Variants in PITPNC1 observed in about 807,000 individuals in gnomAD.
PITPNC1 encodes the protein cytoplasmic phosphatidylinositol transfer protein 1.
In PITPNC1, 18 loss-of-function variants were observed where a neutral mutation model predicts 44.7. The observed-to-expected ratio is 0.40, with a 90% CI of 0.28 to 0.60. The LOEUF is 0.60. Ranked by LOEUF, PITPNC1 falls within the 20% of genes least tolerant of loss-of-function variation. The pLI is 0.39. For missense variants in PITPNC1, 290 were observed against 418.4 expected (o/e 0.69, Z 2.68); for synonymous variants, 141 against 149.6 (o/e 0.94, Z 0.42).
intron 1 of PITPNC1, among the ~76,000 whole-genome samples, chr17:67,476,478 G>A (rs1356839235): frequency 1.3e-5 from 2 of 151,736 alleles, no homozygotes; most frequent in African/African-American, 4.8e-5. Context: ...TACCCACCAC[G>A]CCCGGCCTAG....
At chr17:67,601,728 C>G (rs2041542906) in intron 5 of PITPNC1, among the ~76,000 whole-genome samples, 1 of 152,012 alleles carries the variant, frequency 6.6e-6, no homozygotes, top group Non-Finnish European at 1.5e-5. Context: ...GCACTCTAGT[C>G]TGGGTGACAG....
At chr17:67,429,191 T>C (rs1471443459) in intron 1 of PITPNC1, among the ~76,000 whole-genome samples, 1 of 152,162 alleles carries the variant, frequency 6.6e-6, no homozygotes, top group Non-Finnish European at 1.5e-5. Context: ...TTCTATTCTA[T>C]TTTATCAAAG....
chr17:67,613,822 CAAA>C (rs34474722), intron 5 of PITPNC1: 14 of 76,736 alleles, frequency 1.8e-4, no homozygotes, highest in South Asian at 4.5e-4. Flanking sequence ...GACTCCGTCT[CAAA>C]AAAAAAAAAA....
chr17:67,425,175 C>G (rs111568138), intron 1 of PITPNC1, among the ~76,000 whole-genome samples: 1 of 138,240 alleles, frequency 7.2e-6, no homozygotes, highest in Non-Finnish European at 1.5e-5. Flanking sequence ...GTGAAATAAA[C>G]AGCCATGTTG....
intron 1 of PITPNC1, among the ~76,000 whole-genome samples, chr17:67,522,181 G>A (rs2040333640): frequency 6.6e-6 from 1 of 152,098 alleles, no homozygotes. Flanking sequence ...GCACACGCTT[G>A]TAATTCCAGC....
rs2144417311 is a variant in PITPNC1, at chr17:67,676,897, C to T, written c.682+1355C>T. On this transcript the variant is annotated intron_variant, in intron 8 of 8. Coordinates refer to ENST00000581322, the MANE Select transcript of PITPNC1 (RefSeq NM_012417.4). This position sits in a 1 kb window ranked among gnomAD's most constrained non-coding sequence, Gnocchi z 4.0. The stretch of plus-strand genomic sequence containing the variant: ...CCTTCTGAAGAGCAAATGCACCTTC[C>T]TGGGTTTGTCCAAATGCAGATCATT... 6.6e-6 allele frequency among the ~76,000 whole-genome samples: 1 copy of T among 151,986 alleles called. No homozygotes were observed. The highest frequency in any genetic ancestry group is 2.4e-5 in the African/African-American group (1 of 41,442).
At chr17:67,537,708 C>T (rs1415550022) in intron 2 of PITPNC1, among the ~76,000 whole-genome samples, 1 of 151,984 alleles carries the variant, frequency 6.6e-6, no homozygotes, top group East Asian at 1.9e-4. Flanking sequence ...TGCAGTGGCT[C>T]ACCTCTATAA....
chr17:67,686,272 A>G (rs1320953242), intron 8 of PITPNC1, among the ~76,000 whole-genome samples: 1 of 148,822 alleles, frequency 6.7e-6, no homozygotes, highest in African/African-American at 2.5e-5. Flanking sequence ...TCTGCACACT[A>G]GATGCCAGTA....
intron 1 of PITPNC1, among the ~76,000 whole-genome samples, chr17:67,420,367 C>T (rs555393480): frequency 2.4e-4 from 2 of 8,298 alleles, no homozygotes; most frequent in South Asian, 4.1e-3. Context: ...CTCTCTCCTT[C>T]CTTCCTTCCT....
At chr17:67,478,716 G>A (rs1314881276) in intron 1 of PITPNC1, among the ~76,000 whole-genome samples, 4 of 151,896 alleles carry the variant, frequency 2.6e-5, no homozygotes, top group Admixed American at 1.3e-4. Context: ...CTCTTTTTCC[G>A]CAAGCGTTGG....
At chr17:67,384,577 C>T (rs1050767471) in intron 1 of PITPNC1, among the ~76,000 whole-genome samples, 1 of 152,218 alleles carries the variant, frequency 6.6e-6, no homozygotes, top group African/African-American at 2.4e-5. Flanking sequence ...AGGCGCCCGC[C>T]ACTGCGCCCA....
chr17:67,687,469 C>T (rs2042837984), intron 8 of PITPNC1, among the ~76,000 whole-genome samples: 1 of 152,122 alleles, frequency 6.6e-6, no homozygotes, highest in African/African-American at 2.4e-5. Context: ...ACGGCCTGCA[C>T]CATAAAAGAG....
At chr17:67,517,687 T>C (rs1451597341) in intron 1 of PITPNC1, among the ~76,000 whole-genome samples, 2 of 152,226 alleles carry the variant, frequency 1.3e-5, no homozygotes, top group Admixed American at 6.5e-5. Context: ...TCCATTGATA[T>C]GAATGTTCAG....
At chr17:67,585,131 AAAAAAC>A (rs2041295962) in intron 5 of PITPNC1, among the ~76,000 whole-genome samples, 1 of 146,120 alleles carries the variant, frequency 6.8e-6, no homozygotes, top group Non-Finnish European at 1.5e-5. Flanking sequence ...AAAAAAAAAA[AAAAAAC>A]CAGACAAACC....
At chr17:67,522,659 C>CTTCTT (rs1555661489) in intron 1 of PITPNC1, among the ~76,000 whole-genome samples, 1 of 117,228 alleles carries the variant, frequency 8.5e-6, no homozygotes, top group Non-Finnish European at 1.6e-5. Context: ...CCATTTTAAT[C>CTTCTT]TTTTTTTTTT....
intron 8 of PITPNC1, among the ~76,000 whole-genome samples, chr17:67,686,626 T>C (rs974463187): frequency 6.6e-6 from 1 of 152,166 alleles, no homozygotes; most frequent in African/African-American, 2.4e-5. Context: ...GCAATGAAAG[T>C]GTCCTTTCTG....
At chr17:67,651,524 CA>C in intron 6 of PITPNC1, among the ~76,000 whole-genome samples, 1 of 151,586 alleles carries the variant, frequency 6.6e-6, no homozygotes, top group African/African-American at 2.4e-5. Context: ...AAAAAAAACC[CA>C]AAAAAACAGC....
chr17:67,546,840 C>T lies in PITPNC1; in HGVS notation c.198-5417C>T, dbSNP rs537418086. Among the ~76,000 whole-genome samples, 3 of 152,298 alleles carry T rather than the reference C, an allele frequency of 2.0e-5. No individual in the cohort carries two copies. The East Asian group carries it at 5.8e-4, about 29-fold the overall frequency. On this transcript the variant is annotated intron_variant, in intron 2 of 8. Transcript: ENST00000581322. Reference sequence around the variant, plus strand: ...CTCTGGTCCCGAAACTGCTCACTTCCCTACTGCCATATAAACAATTACATT... The same window carrying T: ...CTCTGGTCCCGAAACTGCTCACTTCTCTACTGCCATATAAACAATTACATT...
chr17:67,405,769 C>G (rs1342967448), intron 1 of PITPNC1, among the ~76,000 whole-genome samples: 2 of 152,102 alleles, frequency 1.3e-5, no homozygotes, highest in East Asian at 3.9e-4. Flanking sequence ...CCACGCTCAG[C>G]TAATTTTTTG....
Sources: allele counts gnomAD v4.1 joint callset (sites outside exome capture counted in the v4.1 genomes callset), GRCh38; gene constraint gnomAD v4.1.1; non-coding constraint Gnocchi (gnomAD v3.1); transcripts MANE v1.5; gene names NCBI Gene and HGNC (gene_info 2026-07-23, HGNC 2026-07-21).